The following BCL2L13 variants were observed in gnomAD, a reference collection of about 807,000 sequenced individuals.
BCL2L13 encodes the protein bcl-2-like protein 13.
Under a neutral mutation model 25.8 loss-of-function variants are expected in BCL2L13, and 13 were observed. That is an observed-to-expected ratio of 0.50 (90% CI 0.33 to 0.80). BCL2L13 has a LOEUF of 0.80. Among genes scored for constraint, BCL2L13 ranks in the 30% least tolerant of loss-of-function variants. BCL2L13 has a pLI of 0.02. For synonymous variants in BCL2L13, 244 were observed against 230.3 expected (o/e 1.06, Z -0.54); for missense variants, 504 against 574.9 (o/e 0.88, Z 1.26).
chr22:17,658,919 C>A (rs1007035986), intron 2 of BCL2L13, among the ~76,000 whole-genome samples: 8 of 149,410 alleles, frequency 5.4e-5, no homozygotes, highest in Non-Finnish European at 1.2e-4. Context: ...ATTAGTTGGG[C>A]ATGGTGGCAG....
chr22:17,710,059 C>T (rs978760417), intron 6 of BCL2L13, among the ~76,000 whole-genome samples: 3 of 93,590 alleles, frequency 3.2e-5, no homozygotes, highest in East Asian at 7.8e-4. Flanking sequence ...AACAGTAAGA[C>T]CTTGTCTTAA....
At chr22:17,663,317 G>A (rs573311157) in intron 2 of BCL2L13, among the ~76,000 whole-genome samples, 1 of 152,332 alleles carries the variant, frequency 6.6e-6, no homozygotes, top group Non-Finnish European at 1.5e-5. Context: ...GGTGTCCTAA[G>A]AAAGCTAGTG....
At chr22:17,707,181 GAA>G (rs10711500) in intron 6 of BCL2L13, among the ~76,000 whole-genome samples, 1 of 151,940 alleles carries the variant, frequency 6.6e-6, no homozygotes, top group African/African-American at 2.4e-5. Context: ...ACTGTTTTGG[GAA>G]AATCTGCCTG....
chr22:17,690,109 G>A (rs2145629439), intron 4 of BCL2L13, among the ~76,000 whole-genome samples: 1 of 151,928 alleles, frequency 6.6e-6, no homozygotes, highest in East Asian at 2.0e-4. Context: ...AGGTATCACT[G>A]GAAGTCAGGA....
At chr22:17,681,604 A>G (rs551962109) in intron 2 of BCL2L13, among the ~76,000 whole-genome samples, 21 of 152,184 alleles carry the variant, frequency 1.4e-4, no homozygotes, top group Admixed American at 1.2e-3. Context: ...CTTGCCAAAC[A>G]TTGTGGGAGG....
At chr22:17,688,169 C>G (rs1025741181) in intron 3 of BCL2L13, among the ~76,000 whole-genome samples, 1 of 152,110 alleles carries the variant, frequency 6.6e-6, no homozygotes, top group Non-Finnish European at 1.5e-5. Flanking sequence ...GATGCCCAGG[C>G]TGGTCTCGAA....
At chr22:17,714,298 A>G (rs985053482) in intron 6 of BCL2L13, among the ~76,000 whole-genome samples, 2 of 151,922 alleles carry the variant, frequency 1.3e-5, no homozygotes, top group East Asian at 3.9e-4. Flanking sequence ...GTCTCAAAAA[A>G]AAAATTAGCC....
At position 17,684,923 on chromosome 22, in the gene BCL2L13, G is replaced by A. The variant is rs550916438; in HGVS notation, c.229+1602G>A. On this transcript the variant is annotated intron_variant, in intron 3 of 6. Coordinates refer to ENST00000317582, the MANE Select transcript of BCL2L13 (RefSeq NM_015367.4). ...AATTTTTTGTATTTTTAGTAGAGAC[G>A]GGGTTTCAGCGTGTTAGCCAGGATG... Among the ~76,000 whole-genome samples, 21 of 152,076 alleles carry A rather than the reference G, an allele frequency of 1.4e-4. No individual in the cohort carries two copies. The South Asian group carries it at 2.7e-3, about 20-fold the overall frequency.
At chr22:17,701,218 T>A (rs1220577347) in intron 5 of BCL2L13, among the ~76,000 whole-genome samples, 1 of 152,336 alleles carries the variant, frequency 6.6e-6, no homozygotes, top group East Asian at 1.9e-4. Flanking sequence ...TGTTTGACTT[T>A]TGATGAGTTT....
At chr22:17,705,511 A>G (rs1269736086) in intron 6 of BCL2L13, among the ~76,000 whole-genome samples, 1 of 151,720 alleles carries the variant, frequency 6.6e-6, no homozygotes, top group African/African-American at 2.4e-5. Flanking sequence ...GTTAGCCAGG[A>G]TGGTCTCGAT....
chr22:17,705,315 T>TC (rs1331547551), intron 6 of BCL2L13, among the ~76,000 whole-genome samples: 1 of 150,596 alleles, frequency 6.6e-6, no homozygotes, highest in Non-Finnish European at 1.5e-5. Flanking sequence ...TTTTTTTTTT[T>TC]CAGATGTAGT....
intron 6 of BCL2L13, among the ~76,000 whole-genome samples, chr22:17,710,483 G>C (rs1249214086): frequency 6.6e-6 from 1 of 152,120 alleles, no homozygotes; most frequent in Non-Finnish European, 1.5e-5. Flanking sequence ...CGGAGGCTGA[G>C]GCAGGGGAAT....
chr22:17,714,974 C>G (rs927545778), intron 6 of BCL2L13, among the ~76,000 whole-genome samples: 1 of 151,104 alleles, frequency 6.6e-6, no homozygotes, highest in Admixed American at 6.6e-5. Context: ...GACCTCGTCT[C>G]TACTAAAAAT....
chr22:17,680,534 AAAAAAAAG>A lies in BCL2L13; in HGVS notation c.122-2670_122-2663del, dbSNP rs1296731204. Among the ~76,000 whole-genome samples, 6 of 77,706 alleles carry A rather than the reference AAAAAAAAG, an allele frequency of 7.7e-5. 2 individuals are homozygous for A. The highest frequency in any genetic ancestry group is 2.1e-4 in the African/African-American group (4 of 18,910). The allele number at this position is 77,706 out of a possible 152,430, so 51.0% of individuals were successfully genotyped here. On this transcript the variant is annotated intron_variant, in intron 2 of 6. Coordinates refer to ENST00000317582, the MANE Select transcript of BCL2L13 (RefSeq NM_015367.4). Reference sequence around the variant, plus strand: ...CTCAAAAAAAAAAAAAAAAAAAAAAAAAAAAAAGAAAAAAAGACTCATACCTAGAAAGG... The same window carrying A: ...CTCAAAAAAAAAAAAAAAAAAAAAAAAAAAAAAGACTCATACCTAGAAAGG...
intron 3 of BCL2L13, among the ~76,000 whole-genome samples, chr22:17,686,092 T>C (rs1007352557): frequency 1.3e-5 from 2 of 152,028 alleles, no homozygotes; most frequent in African/African-American, 4.8e-5. Context: ...TTTTTAATGA[T>C]CAAAATTATA....
At chr22:17,690,881 A>T (rs2060085984) in intron 4 of BCL2L13, among the ~76,000 whole-genome samples, 1 of 152,156 alleles carries the variant, frequency 6.6e-6, no homozygotes, top group African/African-American at 2.4e-5. Flanking sequence ...CTTACACAGG[A>T]AATTTGGATT....
chr22:17,638,785 T>G lies in BCL2L13; in HGVS notation c.-152T>G. ...CTCCAACATGGCGGCGGCGGTAGAT[T>G]AGGGCCGCGGGTCGGAGCACTCACC... On this transcript the variant is annotated 5_prime_UTR_variant, in exon 1 of 7. It adds an upstream start codon to the 5' untranslated region. Coordinates refer to ENST00000317582, the MANE Select transcript of BCL2L13 (RefSeq NM_015367.4). 1 of 1,231,676 alleles carries G rather than the reference T, an allele frequency of 8.1e-7. No homozygotes were observed. Among genetic ancestry groups the G allele is most frequent in the Non-Finnish European group, 1.0e-6 (1 of 987,976 alleles). 76.3% of individuals were successfully genotyped at this position (1,231,676 alleles called of 1,614,324 possible).
intron 6 of BCL2L13, among the ~76,000 whole-genome samples, chr22:17,719,777 C>T (rs1222971081): frequency 2.9e-5 from 4 of 139,736 alleles, no homozygotes; most frequent in Non-Finnish European, 3.0e-5. Flanking sequence ...TGCAGTGAGC[C>T]GAGATCACGC....
chr22:17,719,753 C>G (rs1405967960), intron 6 of BCL2L13, among the ~76,000 whole-genome samples: 1 of 143,150 alleles, frequency 7.0e-6, no homozygotes, highest in African/African-American at 2.6e-5. Context: ...CGCTGGAATC[C>G]GGGAGGCGGA....
Sources: allele counts gnomAD v4.1 joint callset (sites outside exome capture counted in the v4.1 genomes callset), GRCh38; gene constraint gnomAD v4.1.1; transcripts MANE v1.5; gene names NCBI Gene and HGNC (gene_info 2026-07-23, HGNC 2026-07-21).